AGBL4: variants seen among roughly 807,000 people sequenced by gnomAD.
The protein encoded by AGBL4 is AGBL carboxypeptidase 4.
In AGBL4, 58 loss-of-function variants were observed where a neutral mutation model predicts 66.4. The observed-to-expected ratio is 0.87, with a 90% confidence interval of 0.71 to 1.09. The LOEUF (loss-of-function observed/expected upper bound fraction) is 1.09. AGBL4 is among the 50% of genes least tolerant of loss of function. The pLI is 0.00. For synonymous variants in AGBL4, 234 were observed against 222.9 expected, an observed-to-expected ratio of 1.05 and a Z score of -0.44; for missense variants, 579 against 631.0, an observed-to-expected ratio of 0.92 and a Z score of 0.88.
At chr1:49,971,450 A>T (rs1445283687) in intron 1 of AGBL4, among the ~76,000 whole-genome samples, 1 of 152,204 alleles carries the variant, frequency 6.6e-6, no homozygotes, top group Non-Finnish European at 1.5e-5. Context: ...GATAAAAAGA[A>T]ATCATAAAAT....
chr1:48,841,516 C>A (rs528465255), intron 6 of AGBL4, among the ~76,000 whole-genome samples: 4 of 149,694 alleles, frequency 2.7e-5, no homozygotes, highest in South Asian at 2.1e-4. Flanking sequence ...GATTTCATTT[C>A]AATTTAATCC....
intron 1 of AGBL4, among the ~76,000 whole-genome samples, chr1:49,957,782 C>T (rs1484385317): frequency 1.3e-5 from 2 of 152,070 alleles, no homozygotes; most frequent in African/African-American, 2.4e-5. Context: ...CTCCTGAATA[C>T]AGCACACTGA....
intron 2 of AGBL4, among the ~76,000 whole-genome samples, chr1:49,788,702 A>G (rs1291708911): frequency 2.6e-5 from 4 of 152,232 alleles, no homozygotes; most frequent in Non-Finnish European, 5.9e-5. Flanking sequence ...ATTACAAAAT[A>G]TCTGCTCTGA....
At chr1:49,305,488 T>C (rs934899009) in intron 3 of AGBL4, among the ~76,000 whole-genome samples, 5 of 152,172 alleles carry the variant, frequency 3.3e-5, no homozygotes, top group Admixed American at 6.5e-5. Context: ...TGGTTGCTGA[T>C]GTGAACCTGC....
intron 5 of AGBL4, among the ~76,000 whole-genome samples, chr1:49,044,836 G>A (rs1475769825): frequency 1.1e-4 from 16 of 152,042 alleles, no homozygotes; most frequent in Admixed American, 1.0e-3. Context: ...GAAAAGGCAG[G>A]GAAATAAATT....
intron 6 of AGBL4, among the ~76,000 whole-genome samples, chr1:48,679,543 C>T (rs1646421360): frequency 1.3e-5 from 2 of 152,210 alleles, no homozygotes; most frequent in African/African-American, 4.8e-5. Context: ...CCTCTGCACT[C>T]ATCAGTGTGG....
Position 49,922,953 on chromosome 1 carries a change from C to A in AGBL4, c.35-71435G>T, listed in dbSNP as rs550024032. Among the ~76,000 whole-genome samples the A allele has an allele frequency of 3.3e-5, 5 of 152,058 alleles. No individual in the cohort carries two copies. The South Asian group carries it at 1.0e-3, about 32-fold the overall frequency. On this transcript the variant is annotated intron_variant, in intron 1 of 13. Coordinates refer to ENST00000371839, the MANE Select transcript of AGBL4 (RefSeq NM_032785.4). ...AGCATTGAGATTCTTCACAGGTGAA[C>A]TAGAAAAAAAACTTTTTAAAATTCT...
intron 5 of AGBL4, among the ~76,000 whole-genome samples, chr1:49,022,488 C>T (rs1663323140): frequency 6.6e-6 from 1 of 152,060 alleles, no homozygotes; most frequent in African/African-American, 2.4e-5. Context: ...ATACCTACCT[C>T]TTTGTAGCCA....
At chr1:49,021,860 T>G (rs1206194834) in intron 5 of AGBL4, among the ~76,000 whole-genome samples, 1 of 152,150 alleles carries the variant, frequency 6.6e-6, no homozygotes, top group African/African-American at 2.4e-5. Flanking sequence ...GTTAGAAGAC[T>G]TATATTTCAG....
At chr1:49,308,942 A>T (rs1644897634) in intron 3 of AGBL4, among the ~76,000 whole-genome samples, 1 of 152,152 alleles carries the variant, frequency 6.6e-6, no homozygotes, top group Non-Finnish European at 1.5e-5. Context: ...TACCTCTCAG[A>T]CTATGTGTTC....
chr1:49,230,587 C>T (rs1481479456), intron 4 of AGBL4, among the ~76,000 whole-genome samples: 6 of 152,196 alleles, frequency 3.9e-5, no homozygotes, highest in Non-Finnish European at 7.3e-5. Flanking sequence ...CCTCAATTCA[C>T]TCTTTTTAAA....
intron 3 of AGBL4, among the ~76,000 whole-genome samples, chr1:49,260,014 C>A (rs1186982774): frequency 1.3e-5 from 2 of 151,968 alleles, no homozygotes; most frequent in African/African-American, 4.8e-5. Context: ...CACTGAAAAC[C>A]GCTCAACTAC....
chr1:49,206,470 C>T (rs1025278735), intron 4 of AGBL4, among the ~76,000 whole-genome samples: 8 of 152,048 alleles, frequency 5.3e-5, no homozygotes, highest in Non-Finnish European at 8.8e-5. Context: ...CATTACATTT[C>T]TCTCCAATAA....
intron 6 of AGBL4, among the ~76,000 whole-genome samples, chr1:48,704,924 G>A (rs1231187050): frequency 1.3e-5 from 2 of 152,192 alleles, no homozygotes; most frequent in Non-Finnish European, 2.9e-5. Flanking sequence ...TGTATGTGCT[G>A]TACTTTTATA....
intron 11 of AGBL4, among the ~76,000 whole-genome samples, chr1:48,541,924 G>T (rs552097337): frequency 3.8e-4 from 58 of 152,108 alleles, no homozygotes; most frequent in Middle Eastern, 3.2e-3. Context: ...CACGTGCCAT[G>T]GTGGTTTGCT....
At chr1:49,825,016 C>T (rs915869131) in intron 2 of AGBL4, among the ~76,000 whole-genome samples, 1 of 152,132 alleles carries the variant, frequency 6.6e-6, no homozygotes, top group African/African-American at 2.4e-5. Flanking sequence ...TAGAGCCTCT[C>T]TTATTTGCTC....
intron 8 of AGBL4, 145 bp from the exon 9 acceptor site, chr1:48,634,749 T>C: frequency 1.8e-6 from 1 of 564,736 alleles, no homozygotes; most frequent in Non-Finnish European, 3.1e-6. Context: ...GTACTTTATA[T>C]GAGTTAATTC....
intron 3 of AGBL4, among the ~76,000 whole-genome samples, chr1:49,285,742 C>T (rs1201307502): frequency 1.3e-5 from 2 of 152,132 alleles, no homozygotes; most frequent in African/African-American, 2.4e-5. Flanking sequence ...ACTACAAACA[C>T]CTCTACGCAA....
At chr1:48,929,908 G>C (rs1162648624) in intron 5 of AGBL4, among the ~76,000 whole-genome samples, 1 of 152,106 alleles carries the variant, frequency 6.6e-6, no homozygotes, top group Non-Finnish European at 1.5e-5. Context: ...TCACTTCAAG[G>C]AAAGAACACT....
Sources: allele counts gnomAD v4.1 joint callset (sites outside exome capture counted in the v4.1 genomes callset), GRCh38; gene constraint gnomAD v4.1.1; transcripts MANE v1.5; gene names NCBI Gene and HGNC (gene_info 2026-07-23, HGNC 2026-07-21).